Variants in CLYBL observed in about 807,000 individuals in gnomAD.
CLYBL encodes the protein citramalyl-CoA lyase.
In CLYBL, 31 loss-of-function variants were observed where a neutral mutation model predicts 38.9. That is an observed-to-expected ratio of 0.80 (90% CI 0.60 to 1.08). The LOEUF (loss-of-function observed/expected upper bound fraction) is 1.08. CLYBL is among the 50% of genes least tolerant of loss of function. CLYBL has a pLI of 0.00. For missense variants in CLYBL, 434 were observed against 411.6 expected, an observed-to-expected ratio of 1.05 and a Z score of -0.47; for synonymous variants, 171 against 158.6, an observed-to-expected ratio of 1.08 and a Z score of -0.59.
At chr13:99,904,236 C>G (rs2052671454) in intron 8 of CLYBL, among the ~76,000 whole-genome samples, 1 of 152,168 alleles carries the variant, frequency 6.6e-6, no homozygotes, top group Admixed American at 6.5e-5. Context: ...CAATCAGACT[C>G]TAGTCTAACC....
In CLYBL at chr13:99,887,316, A is replaced by G. The variant is rs2052375576; in HGVS notation, c.928-4002A>G. ...CCTTTTCAATCACCAGGCCCCTAAGAGCACAGGCTTGGCATTAGATAGAGT... is the reference window on the plus strand; with the variant it reads ...CCTTTTCAATCACCAGGCCCCTAAGGGCACAGGCTTGGCATTAGATAGAGT... On this transcript the variant is annotated intron_variant, in intron 7 of 8. Transcript: ENST00000339105. 3.3e-5 allele frequency among the ~76,000 whole-genome samples: 5 copies of G among 152,194 alleles called. No homozygotes were observed. The South Asian group carries it at 1.0e-3, about 32-fold the overall frequency.
At chr13:99,902,932 C>A (rs943977282) in intron 8 of CLYBL, among the ~76,000 whole-genome samples, 2 of 152,210 alleles carry the variant, frequency 1.3e-5, no homozygotes, top group African/African-American at 4.8e-5. Context: ...AAATAAATAT[C>A]TTTTAGGATC....
chr13:99,826,675 A>G (rs2050701624), intron 2 of CLYBL, among the ~76,000 whole-genome samples: 1 of 152,234 alleles, frequency 6.6e-6, no homozygotes, highest in Non-Finnish European at 1.5e-5. Flanking sequence ...TGATAAAACT[A>G]AGATACATAT....
At chr13:99,683,757 G>A (rs2047773951) in intron 1 of CLYBL, among the ~76,000 whole-genome samples, 1 of 150,542 alleles carries the variant, frequency 6.6e-6, no homozygotes, top group African/African-American at 2.5e-5. Context: ...TTTTTAATAA[G>A]GAGGCGTATA....
chr13:99,693,479 C>T (rs2047936564), intron 1 of CLYBL, among the ~76,000 whole-genome samples: 1 of 152,128 alleles, frequency 6.6e-6, no homozygotes, highest in Non-Finnish European at 1.5e-5. Context: ...CAGCTGGGTG[C>T]ACACCCTCCT....
At chr13:99,844,590 C>T (rs919215228) in intron 2 of CLYBL, among the ~76,000 whole-genome samples, 61 of 152,330 alleles carry the variant, frequency 4.0e-4, no homozygotes, top group African/African-American at 1.4e-3. Flanking sequence ...TTCTGGCAGT[C>T]GTGTTTGCTA....
intron 2 of CLYBL, among the ~76,000 whole-genome samples, chr13:99,797,586 G>GTGTGTGTGTGTGTGTC (rs984476863): frequency 4.0e-5 from 6 of 151,882 alleles, no homozygotes; most frequent in Admixed American, 3.3e-4. Context: ...GTGTGTGTGT[G>GTGTGTGTGTGTGTGTC]TGTGTTTAAA....
At position 99,754,192 on chromosome 13, in the gene CLYBL, T is replaced by C. The variant is rs139089748; in HGVS notation, c.63-18632T>C. The stretch of plus-strand genomic sequence containing the variant: ...TGAGAGGCCAAAGTGGGCGGATCGT[T>C]TGAGCCCAGGAGTTCGAGACCAGCC... On this transcript the variant is annotated intron_variant, in intron 1 of 8. Coordinates refer to ENST00000339105, the MANE Select transcript of CLYBL (RefSeq NM_206808.5). Among the ~76,000 whole-genome samples, 314 of 141,882 alleles carry C rather than the reference T, an allele frequency of 2.2e-3. 10 individuals carry two copies. The East Asian group carries it at 0.057, about 26-fold the overall frequency. 93.1% of individuals were successfully genotyped at this position (141,882 alleles called of 152,430 possible). A position where few individuals can be genotyped will look rare whatever the true frequency, so the allele number is the denominator to read the frequency against.
At chr13:99,813,050 C>T (rs915317610) in intron 2 of CLYBL, among the ~76,000 whole-genome samples, 2 of 152,186 alleles carry the variant, frequency 1.3e-5, no homozygotes, top group African/African-American at 4.8e-5. Flanking sequence ...GCTATAATTT[C>T]TTCTTCTTTA....
chr13:99,627,148 A>G (rs2046881750), intron 1 of CLYBL, among the ~76,000 whole-genome samples: 1 of 152,066 alleles, frequency 6.6e-6, no homozygotes, highest in African/African-American at 2.4e-5. Context: ...TCAGTACTTT[A>G]TCATAGATTT....
At chr13:99,693,230 A>G (rs907985282) in intron 1 of CLYBL, among the ~76,000 whole-genome samples, 3 of 152,132 alleles carry the variant, frequency 2.0e-5, no homozygotes, top group Non-Finnish European at 2.9e-5. Flanking sequence ...TTAGGTTTTA[A>G]GTTTCTTGAG....
intron 2 of CLYBL, among the ~76,000 whole-genome samples, chr13:99,850,897 T>C (rs2051314379): frequency 6.6e-6 from 1 of 152,204 alleles, no homozygotes; most frequent in South Asian, 2.1e-4. Flanking sequence ...CTTAAAACAT[T>C]ATTATGCTTA....
intron 1 of CLYBL, among the ~76,000 whole-genome samples, chr13:99,724,899 A>C (rs1413927014): frequency 2.0e-5 from 3 of 152,256 alleles, no homozygotes; most frequent in Non-Finnish European, 4.4e-5. Context: ...ACTTGCCACC[A>C]GTATCCTATT....
chr13:99,828,691 G>A (rs998594362), intron 2 of CLYBL, among the ~76,000 whole-genome samples: 5 of 152,148 alleles, frequency 3.3e-5, no homozygotes, highest in Non-Finnish European at 5.9e-5. Flanking sequence ...AAGGCATGGG[G>A]TAAGCTTATG....
intron 8 of CLYBL, 23 bp downstream of exon 8, chr13:99,891,460 GGTT>G (rs1296552720): frequency 1.5e-6 from 2 of 1,374,618 alleles, no homozygotes; most frequent in African/African-American, 2.8e-5. Context: ...TATACAGTGG[GGTT>G]CTTAAAGACA....
At chr13:99,823,257 T>C (rs1594204606) in intron 2 of CLYBL, among the ~76,000 whole-genome samples, 2 of 152,228 alleles carry the variant, frequency 1.3e-5, no homozygotes, top group East Asian at 3.8e-4. Flanking sequence ...AGATGGGGTC[T>C]TACTATATTA....
rs191280619 is a variant in CLYBL, at chr13:99,791,551, A to G, written c.249+18541A>G. 5.2e-3 allele frequency among the ~76,000 whole-genome samples: 791 copies of G among 152,216 alleles called. 6 individuals carry two copies. Among genetic ancestry groups the G allele is most frequent in the Non-Finnish European group, 7.6e-3 (518 of 68,032 alleles). ...TGGATTCTGATAACATTTTGTCCTA[A>G]CAATGTGACCTTGGGGAAATTAATT... On this transcript the variant is annotated intron_variant, in intron 2 of 8. Coordinates refer to ENST00000339105, the MANE Select transcript of CLYBL (RefSeq NM_206808.5).
intron 1 of CLYBL, among the ~76,000 whole-genome samples, chr13:99,726,803 G>A (rs1469621189): frequency 6.6e-6 from 1 of 152,018 alleles, no homozygotes; most frequent in Non-Finnish European, 1.5e-5. Context: ...CAGAGGGCCA[G>A]GGAAGTTACC....
chr13:99,641,021 C>T (rs1184785046), intron 1 of CLYBL, among the ~76,000 whole-genome samples: 1 of 152,168 alleles, frequency 6.6e-6, no homozygotes, highest in Non-Finnish European at 1.5e-5. Flanking sequence ...ATAGAATTCT[C>T]ATTAGTTGGT....
Sources: allele counts gnomAD v4.1 joint callset (sites outside exome capture counted in the v4.1 genomes callset), GRCh38; gene constraint gnomAD v4.1.1; transcripts MANE v1.5; gene names NCBI Gene and HGNC (gene_info 2026-07-23, HGNC 2026-07-21).